The following DYNLL1 variants were observed in gnomAD, a reference collection of about 807,000 sequenced individuals.
DYNLL1 encodes the protein dynein light chain LC8-type 1.
Under a neutral mutation model 10.1 loss-of-function variants are expected in DYNLL1, and 3 were observed. The ratio of observed to expected loss-of-function variants is 0.30; its 90% CI spans 0.14 to 0.77. DYNLL1 has a LOEUF of 0.77. DYNLL1 is among the 30% of genes least tolerant of loss of function. DYNLL1 has a pLI of 0.66. For missense variants in DYNLL1, 47 were observed against 111.7 expected (o/e 0.42, Z 2.61); for synonymous variants, 46 against 41.2 (o/e 1.12, Z -0.45).
chr12:120,486,422 C>T (rs1050365459), intron 1 of DYNLL1, among the ~76,000 whole-genome samples: 2 of 152,254 alleles, frequency 1.3e-5, no homozygotes, highest in East Asian at 1.9e-4. Flanking sequence ...AACTTCTTTG[C>T]ATTCCCCTCT....
intron 1 of DYNLL1, among the ~76,000 whole-genome samples, chr12:120,479,389 G>A (rs547615384): frequency 6.9e-6 from 1 of 145,586 alleles, no homozygotes; most frequent in East Asian, 2.0e-4. Context: ...GGGAGGCGGA[G>A]GTTGTGGTCA....
upstream of DYNLL1, chr12:120,495,869 C>T (rs1018452455): frequency 2.5e-5 from 4 of 162,466 alleles, no homozygotes; most frequent in Non-Finnish European, 5.5e-5. Context: ...GGGGCTCCAC[C>T]TTCTGGGTGT....
upstream of DYNLL1, chr12:120,496,111 T>C (rs550315954): frequency 6.4e-3 from 3,063 of 477,554 alleles, 67 homozygotes; most frequent in Non-Finnish European, 5.1e-3. Context: ...GTGGGGCTGC[T>C]TAGATGCGCC....
intron 1 of DYNLL1, among the ~76,000 whole-genome samples, chr12:120,473,431 T>C (rs1425213103): frequency 3.9e-5 from 6 of 151,962 alleles, no homozygotes; most frequent in South Asian, 4.2e-4. Flanking sequence ...CAGTGGCTCA[T>C]GCCTGTAATC....
intron 1 of DYNLL1, among the ~76,000 whole-genome samples, chr12:120,482,007 C>T (rs1009410156): frequency 3.9e-5 from 6 of 152,180 alleles, no homozygotes; most frequent in Admixed American, 3.9e-4. Context: ...AGCCACCACG[C>T]TTGGCCTTCT....
At chr12:120,470,937 C>A (rs1878635204) in intron 1 of DYNLL1, among the ~76,000 whole-genome samples, 1 of 151,870 alleles carries the variant, frequency 6.6e-6, no homozygotes, top group African/African-American at 2.4e-5. Flanking sequence ...CCCAGTTACG[C>A]GGGAGGCTGA....
chr12:120,494,313 G>C (rs1266205070), upstream of DYNLL1, among the ~76,000 whole-genome samples: 1 of 149,836 alleles, frequency 6.7e-6, no homozygotes, highest in East Asian at 1.9e-4. Flanking sequence ...TTGAGACGGA[G>C]TTGCCCAGGC....
At chr12:120,474,032 A>T (rs1365670639) in intron 1 of DYNLL1, among the ~76,000 whole-genome samples, 2 of 151,882 alleles carry the variant, frequency 1.3e-5, no homozygotes, top group Non-Finnish European at 2.9e-5. Context: ...CAGACCAGGG[A>T]AAATCCCTAC....
At chr12:120,470,499 T>C (rs748809366) in intron 1 of DYNLL1, among the ~76,000 whole-genome samples, 4 of 152,118 alleles carry the variant, frequency 2.6e-5, no homozygotes, top group Non-Finnish European at 4.4e-5. Context: ...CAGGGTCTTA[T>C]TCTGTTGCTC....
upstream of DYNLL1, chr12:120,493,778 A>AT (rs1174025214): frequency 1.4e-3 from 194 of 136,680 alleles, no homozygotes; most frequent in Middle Eastern, 7.6e-3. Context: ...CGCCCGGCTA[A>AT]TTTTTTTTTT....
At chr12:120,486,842 C>T (rs1879004632) in intron 1 of DYNLL1, among the ~76,000 whole-genome samples, 1 of 152,146 alleles carries the variant, frequency 6.6e-6, no homozygotes, top group South Asian at 2.1e-4. Context: ...AACCTCCTCA[C>T]TGGTGTCCTG....
rs1335614187 is a variant in DYNLL1, at chr12:120,498,240, T to A, written c.*30T>A. 11 of 1,591,518 alleles carry A rather than the reference T, an allele frequency of 6.9e-6. No homozygotes were observed. The highest frequency in any genetic ancestry group is 9.4e-6 in the Non-Finnish European group (11 of 1,173,288). Reference sequence around the variant, plus strand: ...ATGGACTGTGCCACACACCCAGTGATCCATCCAAAAACAAGGACTGCAGCC... The same window carrying A: ...ATGGACTGTGCCACACACCCAGTGAACCATCCAAAAACAAGGACTGCAGCC... On this transcript the variant is annotated 3_prime_UTR_variant, in exon 3 of 3. Transcript: ENST00000242577.
chr12:120,495,162 T>G (rs1879233517), upstream of DYNLL1: 1 of 152,220 alleles, frequency 6.6e-6, no homozygotes, highest in African/African-American at 2.4e-5. Flanking sequence ...CTTGCTTTTT[T>G]AACCACTTCG....
intron 1 of DYNLL1, among the ~76,000 whole-genome samples, chr12:120,472,263 T>G (rs1005301302): frequency 6.6e-6 from 1 of 152,222 alleles, no homozygotes; most frequent in Non-Finnish European, 1.5e-5. Flanking sequence ...TTATTTATGC[T>G]TTTCTGTATT....
At chr12:120,486,417 C>A (rs930541336) in intron 1 of DYNLL1, among the ~76,000 whole-genome samples, 2 of 152,174 alleles carry the variant, frequency 1.3e-5, no homozygotes, top group African/African-American at 2.4e-5. Flanking sequence ...AAAACAACTT[C>A]TTTGCATTCC....
At chr12:120,482,036 G>A (rs552604729) in intron 1 of DYNLL1, among the ~76,000 whole-genome samples, 5 of 152,178 alleles carry the variant, frequency 3.3e-5, no homozygotes, top group South Asian at 4.1e-4. Context: ...TATATCTTTC[G>A]TCTGTTTAAT....
chr12:120,488,577 G>T (rs1185895369), intron 1 of DYNLL1: 1 of 152,220 alleles, frequency 6.6e-6, no homozygotes, highest in East Asian at 1.9e-4. Flanking sequence ...CTTGTGCCTA[G>T]ATGGGTGCCT....
intron 1 of DYNLL1, among the ~76,000 whole-genome samples, chr12:120,472,014 GATA>G (rs1878662187): frequency 6.6e-6 from 1 of 152,104 alleles, no homozygotes; most frequent in Admixed American, 6.6e-5. Flanking sequence ...AATTAAACTT[GATA>G]ATAAGGGAGT....
chr12:120,469,940 C>G (rs1056313689), exon 1 of DYNLL1: 1 of 187,644 alleles, frequency 5.3e-6, no homozygotes, highest in Admixed American at 6.1e-5. Context: ...GTGGCTTGGG[C>G]TCCCGCGCCT....
Sources: allele counts gnomAD v4.1 joint callset (sites outside exome capture counted in the v4.1 genomes callset), GRCh38; gene constraint gnomAD v4.1.1; transcripts MANE v1.5; gene names NCBI Gene and HGNC (gene_info 2026-07-23, HGNC 2026-07-21).